The following EXOC4 variants were observed in gnomAD, a reference collection of about 807,000 sequenced individuals.
The protein encoded by EXOC4 is SEC8-like 1.
A neutral mutation model predicts 107.2 loss-of-function variants in EXOC4; 71 were observed. The observed-to-expected ratio is 0.66, with a 90% CI of 0.55 to 0.81. The LOEUF (loss-of-function observed/expected upper bound fraction) is 0.81. Among genes scored for constraint, EXOC4 ranks in the 30% least tolerant of loss-of-function variants. EXOC4 has a pLI of 0.00. For missense variants in EXOC4, 1,108 were observed against 1,189.6 expected, an observed-to-expected ratio of 0.93 and a Z score of 1.01; for synonymous variants, 456 against 441.2, an observed-to-expected ratio of 1.03 and a Z score of -0.42.
chr7:133,325,662 A>C (rs1253387801), intron 5 of EXOC4, among the ~76,000 whole-genome samples: 1 of 151,924 alleles, frequency 6.6e-6, no homozygotes, highest in Non-Finnish European at 1.5e-5. Flanking sequence ...CTTCATTCCA[A>C]CTTTGGTGAA....
At chr7:133,594,549 C>T (rs545021852) in intron 9 of EXOC4, among the ~76,000 whole-genome samples, 8 of 124,610 alleles carry the variant, frequency 6.4e-5, no homozygotes, top group Admixed American at 3.2e-4. Context: ...GGCTGGAGTG[C>T]GATGGCGTGA....
At chr7:133,829,767 A>G (rs1585182138) in intron 11 of EXOC4, among the ~76,000 whole-genome samples, 2 of 152,214 alleles carry the variant, frequency 1.3e-5, no homozygotes, top group South Asian at 2.1e-4. Context: ...ATGAAGCTGT[A>G]CATTTCTCAT....
intron 11 of EXOC4, among the ~76,000 whole-genome samples, chr7:133,825,694 G>A (rs7807467): frequency 0.024 from 3,653 of 152,270 alleles, 150 homozygotes; most frequent in African/African-American, 0.083. Flanking sequence ...TTGCATTTGA[G>A]TGGCATTTGC....
chr7:133,421,175 C>G (rs923939471), intron 7 of EXOC4, among the ~76,000 whole-genome samples: 1 of 152,012 alleles, frequency 6.6e-6, no homozygotes, highest in Non-Finnish European at 1.5e-5. Context: ...AGTAAAAGTT[C>G]TTGGTAAAGT....
At chr7:133,988,427 G>T (rs1289937657) in intron 14 of EXOC4, among the ~76,000 whole-genome samples, 1 of 152,050 alleles carries the variant, frequency 6.6e-6, no homozygotes, top group Non-Finnish European at 1.5e-5. Flanking sequence ...TATTGCATTG[G>T]TCAGTTTAAT....
chr7:134,064,631 T>C lies in EXOC4; in HGVS notation c.*103T>C. The C allele has an allele frequency of 1.3e-6, 1 of 763,904 alleles. No homozygotes were observed. Among genetic ancestry groups the C allele is most frequent in the Non-Finnish European group, 2.1e-6 (1 of 485,860 alleles). The allele number at this position is 763,904 out of a possible 1,614,324, so 47.3% of individuals were successfully genotyped here. On this transcript the variant is annotated 3_prime_UTR_variant, in exon 18 of 18. Coordinates refer to ENST00000253861, the MANE Select transcript of EXOC4 (RefSeq NM_021807.4). Reference sequence around the variant, plus strand: ...CTGAGCTTAGTTTTCTCTACAGTGATACTTTAGTGGAGAGGAGGTGTAAGG... The same window carrying C: ...CTGAGCTTAGTTTTCTCTACAGTGACACTTTAGTGGAGAGGAGGTGTAAGG...
chr7:133,458,891 A>C (rs1456487965), intron 7 of EXOC4, among the ~76,000 whole-genome samples: 1 of 117,204 alleles, frequency 8.5e-6, no homozygotes, highest in African/African-American at 3.3e-5. Flanking sequence ...TGTGAAGGGC[A>C]ATATATTCTC....
intron 3 of EXOC4, among the ~76,000 whole-genome samples, chr7:133,304,676 G>A (rs1794713630): frequency 6.6e-6 from 1 of 152,134 alleles, no homozygotes; most frequent in African/African-American, 2.4e-5. Flanking sequence ...TGCTGTAGTT[G>A]TGTGATCAAC....
At chr7:133,882,490 T>C (rs934739668) in intron 11 of EXOC4, among the ~76,000 whole-genome samples, 22 of 152,212 alleles carry the variant, frequency 1.4e-4, no homozygotes, top group African/African-American at 5.3e-4. Flanking sequence ...TTCTGGAATC[T>C]CACAGACCAC....
intron 11 of EXOC4, among the ~76,000 whole-genome samples, chr7:133,870,827 G>C (rs2113340): frequency 6.6e-6 from 1 of 152,112 alleles, no homozygotes; most frequent in African/African-American, 2.4e-5. Context: ...GTGGGTATTC[G>C]GTTTTTCATA....
chr7:133,845,258 C>T (rs749424210), intron 11 of EXOC4, among the ~76,000 whole-genome samples: 49 of 151,608 alleles, frequency 3.2e-4, no homozygotes, highest in Admixed American at 5.3e-4. Context: ...CTACAAATGG[C>T]CCACTGGGAA....
Position 133,709,297 on chromosome 7 carries a change from G to A in EXOC4, c.1514+79156G>A, listed in dbSNP as rs965121097. ...ATAGGACGTAGGAGATGACATCAAG[G>A]AGGAAGAAAAGATAAAAAGGAAGCA... On this transcript the variant is annotated intron_variant, in intron 10 of 17. Transcript: ENST00000253861. Among the ~76,000 whole-genome samples, 3 of 152,206 alleles carry A rather than the reference G, an allele frequency of 2.0e-5. No individual in the cohort carries two copies. The South Asian group carries it at 6.2e-4, about 32-fold the overall frequency.
chr7:133,481,094 C>T (rs1178359771), intron 9 of EXOC4: 2 of 149,768 alleles, frequency 1.3e-5, no homozygotes, highest in East Asian at 1.9e-4. Flanking sequence ...TTGGTGAGGG[C>T]CTGCTAAGTG....
intron 5 of EXOC4, among the ~76,000 whole-genome samples, chr7:133,336,169 T>C (rs957408504): frequency 2.0e-5 from 3 of 152,226 alleles, no homozygotes; most frequent in African/African-American, 7.2e-5. Flanking sequence ...ACTATGTCCA[T>C]TGATGCACAG....
At chr7:133,508,123 C>T (rs991638901) in intron 9 of EXOC4, among the ~76,000 whole-genome samples, 3 of 151,548 alleles carry the variant, frequency 2.0e-5, no homozygotes, top group Non-Finnish European at 4.4e-5. Flanking sequence ...TTTTTTTATC[C>T]ATGACTACAA....
At chr7:133,677,982 C>A (rs940907261) in intron 10 of EXOC4, among the ~76,000 whole-genome samples, 1 of 152,146 alleles carries the variant, frequency 6.6e-6, no homozygotes, top group African/African-American at 2.4e-5. Context: ...CTAAAACTTG[C>A]AATTTTTAAT....
chr7:133,511,052 T>G (rs568583746), intron 9 of EXOC4, among the ~76,000 whole-genome samples: 87 of 152,046 alleles, frequency 5.7e-4, no homozygotes, highest in Admixed American at 8.5e-4. Context: ...ATACCTAAAG[T>G]TTGGACATAT....
At chr7:133,413,151 A>G (rs1258386562) in intron 7 of EXOC4, among the ~76,000 whole-genome samples, 1 of 152,158 alleles carries the variant, frequency 6.6e-6, no homozygotes, top group African/African-American at 2.4e-5. Flanking sequence ...GGAGAGCTCC[A>G]TCTACTGAAG....
At chr7:133,827,042 T>C (rs1330788040) in intron 11 of EXOC4, among the ~76,000 whole-genome samples, 1 of 152,176 alleles carries the variant, frequency 6.6e-6, no homozygotes, top group East Asian at 1.9e-4. Flanking sequence ...AATCTGAACA[T>C]ACAAAGAGAT....
Sources: gnomAD v4.1 joint callset for allele counts (sites outside exome capture counted in the v4.1 genomes callset) on GRCh38, gnomAD v4.1.1 for gene constraint, MANE v1.5 for transcripts, NCBI Gene and HGNC (gene_info 2026-07-23, HGNC 2026-07-21) for gene names.